The following RNLS variants were observed in gnomAD, a reference collection of about 807,000 sequenced individuals.
RNLS encodes renalase.
Under a neutral mutation model 39.8 loss-of-function variants are expected in RNLS, and 39 were observed. That is an observed-to-expected ratio of 0.98 (90% CI 0.76 to 1.28). RNLS has a LOEUF of 1.28. Among genes scored for constraint, RNLS ranks in the 50% most tolerant of loss-of-function variants. The probability of loss-of-function intolerance (pLI) is 0.00; values close to 1 mark genes in which losing one functional copy is unlikely to be tolerated. For missense variants in RNLS, 410 were observed against 413.3 expected (o/e 0.99, Z 0.07); for synonymous variants, 147 against 150.7 (o/e 0.98, Z 0.18).
chr10:88,499,755 T>C (rs1415380138), intron 4 of RNLS, among the ~76,000 whole-genome samples: 1 of 152,100 alleles, frequency 6.6e-6, no homozygotes, highest in East Asian at 1.9e-4. Flanking sequence ...GGCAATCAAC[T>C]TCTGCCAGCC....
the RNLS span, among the ~76,000 whole-genome samples, chr10:88,262,468 GC>G: frequency 6.6e-6 from 1 of 152,132 alleles, no homozygotes; most frequent in African/African-American, 2.4e-5. Context: ...TGGTGCTTCA[GC>G]CCCAGGAAGA....
At chr10:88,313,985 T>C (rs1405929310) in intron 6 of RNLS, among the ~76,000 whole-genome samples, 2 of 152,092 alleles carry the variant, frequency 1.3e-5, no homozygotes, top group Non-Finnish European at 2.9e-5. Context: ...CTTATCTCTC[T>C]CCCCCAGAGA....
intron 5 of RNLS, among the ~76,000 whole-genome samples, chr10:88,354,074 C>G (rs1166093621): frequency 2.6e-5 from 4 of 152,160 alleles, no homozygotes; most frequent in Non-Finnish European, 5.9e-5. Context: ...CTTGGTAGAT[C>G]TTCCTCCATC....
At chr10:88,183,852 A>G in the RNLS span, among the ~76,000 whole-genome samples, 1 of 152,132 alleles carries the variant, frequency 6.6e-6, no homozygotes, top group East Asian at 1.9e-4. Flanking sequence ...CGAGTAGATA[A>G]TTCAAGATGG....
At chr10:88,212,185 TCAC>T in the RNLS span, among the ~76,000 whole-genome samples, 1 of 152,166 alleles carries the variant, frequency 6.6e-6, no homozygotes, top group Non-Finnish European at 1.5e-5. Context: ...TTCCCTTACT[TCAC>T]CAAGAGAACT....
the RNLS span, among the ~76,000 whole-genome samples, chr10:88,208,573 G>T: frequency 1.3e-5 from 2 of 152,110 alleles, no homozygotes; most frequent in Non-Finnish European, 2.9e-5. Flanking sequence ...GCTATGGGAA[G>T]TTAACGTATG....
chr10:88,448,674 C>A (rs1365359177), intron 4 of RNLS, among the ~76,000 whole-genome samples: 3 of 152,230 alleles, frequency 2.0e-5, no homozygotes, highest in African/African-American at 7.2e-5. Flanking sequence ...GATTATAAAT[C>A]ATGCTGCTAT....
the RNLS span, among the ~76,000 whole-genome samples, chr10:88,230,001 A>T: frequency 0.13 from 20,275 of 152,202 alleles, 1,523 homozygotes; most frequent in South Asian, 0.21. Flanking sequence ...ATCCCTGGAA[A>T]GCATGGACAA....
At chr10:88,297,882 C>T (rs959615124) in intron 6 of RNLS, among the ~76,000 whole-genome samples, 1 of 152,128 alleles carries the variant, frequency 6.6e-6, no homozygotes, top group South Asian at 2.1e-4. Context: ...TATTGTAATT[C>T]TATGCTTAAC....
At chr10:88,422,401 T>G (rs1854462421) in intron 4 of RNLS, among the ~76,000 whole-genome samples, 1 of 152,192 alleles carries the variant, frequency 6.6e-6, no homozygotes, top group South Asian at 2.1e-4. Context: ...TTATAGCAAA[T>G]CACTAAAAAT....
intron 4 of RNLS, among the ~76,000 whole-genome samples, chr10:88,493,259 T>C (rs954605269): frequency 6.6e-6 from 1 of 152,086 alleles, no homozygotes; most frequent in African/African-American, 2.4e-5. Context: ...TTTCCATCAA[T>C]GATGGAAAAT....
chr10:88,514,585 C>G (rs1417373494), intron 4 of RNLS, among the ~76,000 whole-genome samples: 2 of 152,086 alleles, frequency 1.3e-5, no homozygotes, highest in African/African-American at 4.8e-5. Context: ...CTGTCCCCAA[C>G]CCTTGGAAAT....
At chr10:88,201,014 A>G in the RNLS span, among the ~76,000 whole-genome samples, 1 of 150,454 alleles carries the variant, frequency 6.6e-6, no homozygotes, top group African/African-American at 2.4e-5. Context: ...TTAACAACTA[A>G]TAGTTTCTAT....
At chr10:88,389,790 C>T (rs1852090477) in intron 4 of RNLS, among the ~76,000 whole-genome samples, 1 of 152,172 alleles carries the variant, frequency 6.6e-6, no homozygotes, top group African/African-American at 2.4e-5. Context: ...ACAAGATATA[C>T]CTGCCTCAGA....
chr10:88,401,768 A>C (rs1337002073), intron 4 of RNLS, among the ~76,000 whole-genome samples: 4 of 152,058 alleles, frequency 2.6e-5, no homozygotes, highest in Non-Finnish European at 2.9e-5. Flanking sequence ...CCCGCAGACA[A>C]CATCTAAAGC....
chr10:88,181,468 C>T, the RNLS span, among the ~76,000 whole-genome samples: 5 of 152,114 alleles, frequency 3.3e-5, no homozygotes, highest in Non-Finnish European at 5.9e-5. Context: ...GTGCTGTTTT[C>T]GGCAACTAAG....
chr10:88,379,303 AC>A (rs1851269270), intron 4 of RNLS, among the ~76,000 whole-genome samples: 1 of 152,234 alleles, frequency 6.6e-6, no homozygotes, highest in African/African-American at 2.4e-5. Context: ...AGCAGAGTGT[AC>A]AAAATAAATA....
At chr10:88,387,710 G>A (rs1851955559) in intron 4 of RNLS, among the ~76,000 whole-genome samples, 1 of 152,182 alleles carries the variant, frequency 6.6e-6, no homozygotes, top group Non-Finnish European at 1.5e-5. Flanking sequence ...AAGAAAAATA[G>A]TGCATGTCTT....
chr10:88,458,745 GA>G (rs370150520), intron 4 of RNLS, among the ~76,000 whole-genome samples: 2 of 151,644 alleles, frequency 1.3e-5, no homozygotes, highest in South Asian at 2.1e-4. Flanking sequence ...ATTATGTCAG[GA>G]AAAAAAACCC....
Sources: allele counts gnomAD v4.1 joint callset (sites outside exome capture counted in the v4.1 genomes callset), GRCh38; gene constraint gnomAD v4.1.1; transcripts MANE v1.5; gene names NCBI Gene and HGNC (gene_info 2026-07-23, HGNC 2026-07-21).